ACTR3B: variants seen among roughly 807,000 people sequenced by gnomAD.
ACTR3B encodes actin-related protein 3B.
In ACTR3B, 8 loss-of-function variants were observed where a neutral mutation model predicts 59.0. The observed-to-expected ratio is 0.14, with a 90% CI of 0.08 to 0.24. The LOEUF (loss-of-function observed/expected upper bound fraction) is 0.24. ACTR3B is among the 10% of genes least tolerant of loss of function. The pLI, the probability that ACTR3B is intolerant of heterozygous loss-of-function variation, is 1.00. For missense variants in ACTR3B, 245 were observed against 552.3 expected (o/e 0.44, Z 5.58); for synonymous variants, 148 against 197.9 (o/e 0.75, Z 2.12).
intron 9 of ACTR3B, among the ~76,000 whole-genome samples, chr7:152,827,350 AG>A (rs1563136582): frequency 3.9e-5 from 6 of 152,302 alleles, no homozygotes; most frequent in African/African-American, 1.4e-4. Context: ...GAATTCACGT[AG>A]GATTGAGAGG....
chr7:152,768,856 ATTT>A (rs936484267), intron 1 of ACTR3B, among the ~76,000 whole-genome samples: 1 of 143,794 alleles, frequency 7.0e-6, no homozygotes, highest in Non-Finnish European at 1.5e-5. Flanking sequence ...AGGGCTTCCA[ATTT>A]TTTTTTTTAA....
At chr7:152,781,451 G>A (rs182661992) in intron 1 of ACTR3B, among the ~76,000 whole-genome samples, 59 of 152,184 alleles carry the variant, frequency 3.9e-4, no homozygotes, top group Middle Eastern at 3.4e-3. Context: ...GCACTGTGCC[G>A]GGGGTGTAGA....
chr7:152,803,434 T>C (rs1218878097), intron 4 of ACTR3B, among the ~76,000 whole-genome samples: 2 of 152,194 alleles, frequency 1.3e-5, no homozygotes, highest in African/African-American at 2.4e-5. Context: ...AATCACAGAT[T>C]CCCACCTGTC....
At chr7:152,834,199 C>T (rs2116923437) in intron 9 of ACTR3B, among the ~76,000 whole-genome samples, 1 of 151,180 alleles carries the variant, frequency 6.6e-6, no homozygotes, top group Middle Eastern at 3.4e-3. Flanking sequence ...TGTCGCCCAG[C>T]CTGGAGTGCA....
intron 1 of ACTR3B, among the ~76,000 whole-genome samples, chr7:152,765,787 G>GA (rs932689815): frequency 6.1e-5 from 9 of 147,764 alleles, no homozygotes; most frequent in East Asian, 2.0e-4. Context: ...CTTAAAAAAA[G>GA]AAAAAAAAAA....
intron 9 of ACTR3B, among the ~76,000 whole-genome samples, chr7:152,834,672 G>A (rs951783744): frequency 5.9e-5 from 9 of 152,090 alleles, no homozygotes; most frequent in African/African-American, 1.9e-4. Flanking sequence ...TCTTTTTTCT[G>A]TATTTAGGTT....
intron 1 of ACTR3B, among the ~76,000 whole-genome samples, chr7:152,782,350 T>A (rs1158253786): frequency 2.0e-5 from 3 of 151,922 alleles, no homozygotes; most frequent in Non-Finnish European, 4.4e-5. Flanking sequence ...ATGAGTCTTC[T>A]CGATTTACTT....
At chr7:152,820,751 C>A (rs1796080977) in intron 7 of ACTR3B, among the ~76,000 whole-genome samples, 1 of 152,256 alleles carries the variant, frequency 6.6e-6, no homozygotes, top group Non-Finnish European at 1.5e-5. Context: ...GGGCTCCTTC[C>A]ATACTGCCTC....
At chr7:152,764,343 A>G (rs983990256) in intron 1 of ACTR3B, among the ~76,000 whole-genome samples, 2 of 151,972 alleles carry the variant, frequency 1.3e-5, no homozygotes, top group African/African-American at 4.8e-5. Flanking sequence ...TTTTTTGAGC[A>G]TTCTGGCCAG....
chr7:152,776,723 A>G (rs1391579223), intron 1 of ACTR3B, among the ~76,000 whole-genome samples: 64 of 152,298 alleles, frequency 4.2e-4, no homozygotes, highest in Non-Finnish European at 7.6e-4. Context: ...TTTAGAGATG[A>G]AGAAACCAAG....
chr7:152,804,773 G>A (rs949434982), intron 4 of ACTR3B, among the ~76,000 whole-genome samples: 11 of 152,236 alleles, frequency 7.2e-5, no homozygotes, highest in African/African-American at 2.2e-4. Flanking sequence ...AGCTGGGGTG[G>A]TTGACTTACA....
chr7:152,821,692 C>G (rs973146965), intron 7 of ACTR3B, among the ~76,000 whole-genome samples: 8 of 152,210 alleles, frequency 5.3e-5, no homozygotes, highest in South Asian at 2.1e-4. Context: ...GTGTGTCTCC[C>G]CCCTGTGAAG....
rs548467133 is a variant in ACTR3B at position 152,784,526 on chromosome 7, C to G, written c.100+1284C>G. Among the ~76,000 whole-genome samples, 11 of 152,260 alleles carry G rather than the reference C, an allele frequency of 7.2e-5. No homozygotes were observed. In the South Asian group the frequency reaches 2.3e-3, roughly 32 times the overall value. ...CGCTCTGCTGCCATGAATGGGTTAT[C>G]CTGATGACAGGCATGATTGGTCTGC... On this transcript the variant is annotated intron_variant, in intron 2 of 11. Coordinates refer to ENST00000256001, the MANE Select transcript of ACTR3B (RefSeq NM_020445.6).
rs1164677748 is a variant in ACTR3B at position 152,812,019 on chromosome 7, C to CTTTTTTTTTTTT, written c.337-2513_337-2502dup. The CTTTTTTTTTTTT allele has an allele frequency of 2.8e-3, 65 of 23,376 alleles. 22 individuals carry two copies. The highest frequency in any genetic ancestry group is 5.2e-3 in the African/African-American group (46 of 8,844). 1.4% of individuals were successfully genotyped at this position (23,376 alleles called of 1,614,324 possible). ...TTCTTAATTCCCAGAAAATAAAAGTCTTTTTTTTTTTTTTTTTTTTTTTTT... is the reference window on the plus strand; with the variant it reads ...TTCTTAATTCCCAGAAAATAAAAGTCTTTTTTTTTTTTTTTTTTTTTTTTTTTTTTTTTTTTT... On this transcript the variant is annotated intron_variant, in intron 4 of 11. Transcript: ENST00000256001.
Position 152,794,511 on chromosome 7 carries a change from C to T in ACTR3B, c.101-6020C>T, listed in dbSNP as rs542076290. 3.2e-4 allele frequency among the ~76,000 whole-genome samples: 49 copies of T among 152,284 alleles called. 1 individual carries two copies. The highest frequency in any genetic ancestry group is 6.2e-4 in the South Asian group (3 of 4,828). On this transcript the variant is annotated intron_variant, in intron 2 of 11. Coordinates refer to ENST00000256001, the MANE Select transcript of ACTR3B (RefSeq NM_020445.6). ...GATTACAGGCGTGAGCCACTGTGCC[C>T]GGCTATCTTTACAATCTTTTATATT...
chr7:152,840,585 C>T (rs1198984186), intron 9 of ACTR3B, among the ~76,000 whole-genome samples: 2 of 147,428 alleles, frequency 1.4e-5, no homozygotes, highest in African/African-American at 5.0e-5. Context: ...GCTCCGAACG[C>T]CCTGTCAGGA....
At chr7:152,792,704 C>G (rs1178018410) in intron 2 of ACTR3B, among the ~76,000 whole-genome samples, 1 of 151,972 alleles carries the variant, frequency 6.6e-6, no homozygotes, top group African/African-American at 2.4e-5. Flanking sequence ...GCTGAGATTG[C>G]GCCACTGCAC....
intron 9 of ACTR3B, among the ~76,000 whole-genome samples, chr7:152,829,474 C>T (rs868783368): frequency 2.6e-5 from 4 of 152,118 alleles, no homozygotes; most frequent in Admixed American, 1.3e-4. Flanking sequence ...ATCATCTGTC[C>T]GATTTTTATT....
At chr7:152,804,252 C>T (rs539313334) in intron 4 of ACTR3B, among the ~76,000 whole-genome samples, 1 of 152,322 alleles carries the variant, frequency 6.6e-6, no homozygotes, top group Non-Finnish European at 1.5e-5. Flanking sequence ...CAAAGAGATG[C>T]AGTGCTCTTG....
Sources: allele counts gnomAD v4.1 joint callset (sites outside exome capture counted in the v4.1 genomes callset), GRCh38; gene constraint gnomAD v4.1.1; transcripts MANE v1.5; gene names NCBI Gene and HGNC (gene_info 2026-07-23, HGNC 2026-07-21).